Variants in GREM2 observed in about 807,000 individuals in gnomAD.
GREM2 encodes the protein gremlin-2.
GREM2 carries 11 observed loss-of-function variants against 14.2 expected under a neutral mutation model. That is an observed-to-expected ratio of 0.78 (90% CI 0.49 to 1.28). The LOEUF is 1.28. Among genes scored for constraint, GREM2 ranks in the 50% most tolerant of loss-of-function variants. GREM2 has a pLI of 0.00. For synonymous variants in GREM2, 98 were observed against 97.6 expected (o/e 1.00, Z -0.02); for missense variants, 210 against 218.5 (o/e 0.96, Z 0.24).
At chr1:240,601,505 T>C (rs977368601) in intron 1 of GREM2, among the ~76,000 whole-genome samples, 3 of 152,228 alleles carry the variant, frequency 2.0e-5, no homozygotes, top group Non-Finnish European at 4.4e-5. Context: ...GTGAAGAGGC[T>C]GTGTAAAGTT....
At chr1:240,560,172 T>G (rs1679012885) in intron 1 of GREM2, among the ~76,000 whole-genome samples, 1 of 152,168 alleles carries the variant, frequency 6.6e-6, no homozygotes, top group Non-Finnish European at 1.5e-5. Context: ...AAATTTAATA[T>G]GGTTAAGAAT....
At chr1:240,532,426 C>A (rs961833686) in intron 1 of GREM2, among the ~76,000 whole-genome samples, 3 of 152,118 alleles carry the variant, frequency 2.0e-5, no homozygotes, top group South Asian at 2.1e-4. Context: ...CTCTATAAAT[C>A]TATGAGTCTC....
intron 1 of GREM2, among the ~76,000 whole-genome samples, chr1:240,607,072 C>T (rs1412893383): frequency 6.6e-6 from 1 of 152,174 alleles, no homozygotes; most frequent in African/African-American, 2.4e-5. Flanking sequence ...AATAACACTA[C>T]TAGCTAAGAT....
At chr1:240,602,846 G>A (rs1008552463) in intron 1 of GREM2, among the ~76,000 whole-genome samples, 1 of 151,920 alleles carries the variant, frequency 6.6e-6, no homozygotes, top group South Asian at 2.1e-4. Flanking sequence ...GGCCGAGGCA[G>A]GCGGATCACG....
intron 1 of GREM2, among the ~76,000 whole-genome samples, chr1:240,496,374 C>T (rs946367875): frequency 1.3e-5 from 2 of 152,208 alleles, no homozygotes; most frequent in Non-Finnish European, 2.9e-5. Context: ...CTAGAATGAG[C>T]TTGGCATTCT....
intron 1 of GREM2, among the ~76,000 whole-genome samples, chr1:240,496,513 G>C (rs1012929033): frequency 1.3e-5 from 2 of 152,200 alleles, no homozygotes; most frequent in South Asian, 2.1e-4. Context: ...CACCATCGTG[G>C]ACGTCACCGT....
At chr1:240,585,917 C>A (rs1295718943) in intron 1 of GREM2, among the ~76,000 whole-genome samples, 32 of 151,606 alleles carry the variant, frequency 2.1e-4, no homozygotes, top group Non-Finnish European at 1.5e-5. Flanking sequence ...GAACTTGCAT[C>A]TGATGAGTTG....
Position 240,540,761 on chromosome 1 carries a change from C to A in GREM2, c.-1-47285G>T, listed in dbSNP as rs1678570307. Among the ~76,000 whole-genome samples, 1 of 152,074 alleles carries A rather than the reference C, an allele frequency of 6.6e-6. No individual in the cohort carries two copies. The highest frequency in any genetic ancestry group is 1.5e-5 in the Non-Finnish European group (1 of 68,010). On this transcript the variant is annotated intron_variant, in intron 1 of 1. Coordinates refer to ENST00000318160, the MANE Select transcript of GREM2 (RefSeq NM_022469.4). This position sits in a 1 kb window ranked among gnomAD's most constrained non-coding sequence, Gnocchi z 4.2. ...TATTTTTAGTAGAGACAGGGTTTCA[C>A]CATGTTGACCAGGGTGGTCTTGATC...
intron 1 of GREM2, among the ~76,000 whole-genome samples, chr1:240,518,532 A>C (rs1678000468): frequency 6.6e-6 from 1 of 152,214 alleles, no homozygotes; most frequent in Admixed American, 6.5e-5. Flanking sequence ...TTTTTTAAAC[A>C]TTTTATCTGC....
intron 1 of GREM2, among the ~76,000 whole-genome samples, chr1:240,538,117 T>A (rs541757456): frequency 1.3e-5 from 2 of 152,320 alleles, no homozygotes; most frequent in Non-Finnish European, 2.9e-5. Context: ...TAGGATTGTC[T>A]AGAAAGCAAA....
chr1:240,507,981 C>T (rs1439671054), intron 1 of GREM2, among the ~76,000 whole-genome samples: 2 of 152,210 alleles, frequency 1.3e-5, no homozygotes, highest in Non-Finnish European at 2.9e-5. Flanking sequence ...TGACCCACAG[C>T]ATTGGGAACC....
intron 1 of GREM2, among the ~76,000 whole-genome samples, chr1:240,534,412 G>A (rs562825419): frequency 6.6e-6 from 1 of 152,280 alleles, no homozygotes; most frequent in South Asian, 2.1e-4. Context: ...GCAAAAGGCC[G>A]GGTGCAGTGG....
At chr1:240,547,517 AT>A (rs1558158069) in intron 1 of GREM2, among the ~76,000 whole-genome samples, 2,464 of 41,620 alleles carry the variant, frequency 0.059, 48 homozygotes, top group African/African-American at 0.098. Context: ...AAAAAAAAAT[AT>A]ATATATATAT....
intron 1 of GREM2, among the ~76,000 whole-genome samples, chr1:240,578,240 C>T (rs1423428941): frequency 1.3e-5 from 2 of 152,096 alleles, no homozygotes; most frequent in African/African-American, 4.8e-5. Flanking sequence ...ATTCTCCTGC[C>T]TCAGCCTTCC....
At chr1:240,534,927 G>A (rs1287761230) in intron 1 of GREM2, among the ~76,000 whole-genome samples, 1 of 152,036 alleles carries the variant, frequency 6.6e-6, no homozygotes, top group Non-Finnish European at 1.5e-5. Context: ...ACCAACTGAG[G>A]GAAGAAACAC....
intron 1 of GREM2, among the ~76,000 whole-genome samples, chr1:240,599,474 G>A (rs1186018035): frequency 1.3e-5 from 2 of 152,104 alleles, no homozygotes; most frequent in Admixed American, 1.3e-4. Flanking sequence ...ACTTTCCTCT[G>A]ACAAACAGAA....
intron 1 of GREM2, among the ~76,000 whole-genome samples, chr1:240,537,120 C>T (rs1234944109): frequency 1.3e-5 from 2 of 152,178 alleles, no homozygotes; most frequent in Non-Finnish European, 2.9e-5. Context: ...CTGTAGCCTC[C>T]TTGCCTCCCT....
At chr1:240,591,231 T>C (rs574245779) in intron 1 of GREM2, among the ~76,000 whole-genome samples, 52 of 152,328 alleles carry the variant, frequency 3.4e-4, no homozygotes, top group African/African-American at 1.2e-3. Flanking sequence ...TTCCACTCTC[T>C]ACCACTGTCA....
chr1:240,511,006 G>T (rs763951347), intron 1 of GREM2, among the ~76,000 whole-genome samples: 3 of 152,178 alleles, frequency 2.0e-5, no homozygotes, highest in Non-Finnish European at 4.4e-5. Flanking sequence ...AACTTTCAAT[G>T]ACTATCTAAT....
Sources: allele counts gnomAD v4.1 joint callset (sites outside exome capture counted in the v4.1 genomes callset), GRCh38; gene constraint gnomAD v4.1.1; non-coding constraint Gnocchi (gnomAD v3.1); transcripts MANE v1.5; gene names NCBI Gene and HGNC (gene_info 2026-07-23, HGNC 2026-07-21).